Variants in NKAIN3 observed in about 807,000 individuals in gnomAD.
NKAIN3 encodes the protein sodium/potassium transporting ATPase interacting 3.
In NKAIN3, 25 loss-of-function variants were observed where a neutral mutation model predicts 30.2. The observed-to-expected ratio is 0.83, with a 90% CI of 0.60 to 1.16. The LOEUF is 1.16. Among genes scored for constraint, NKAIN3 ranks in the 50% most tolerant of loss-of-function variants. The pLI is 0.00. For synonymous variants in NKAIN3, 91 were observed against 89.6 expected (o/e 1.02, Z -0.09); for missense variants, 225 against 254.1 (o/e 0.89, Z 0.78).
At chr8:62,908,243 C>T (rs945179836) in intron 4 of NKAIN3, among the ~76,000 whole-genome samples, 4 of 152,202 alleles carry the variant, frequency 2.6e-5, no homozygotes, top group African/African-American at 7.2e-5. Flanking sequence ...TGTATTTACC[C>T]AATGCCTGTA....
At chr8:62,271,861 G>A (rs1031412225) in intron 1 of NKAIN3, among the ~76,000 whole-genome samples, 1 of 152,172 alleles carries the variant, frequency 6.6e-6, no homozygotes, top group African/African-American at 2.4e-5. Flanking sequence ...ACTCCACAGA[G>A]ATGTGTTATG....
intron 1 of NKAIN3, among the ~76,000 whole-genome samples, chr8:62,504,816 G>A (rs1807579031): frequency 6.6e-6 from 1 of 152,120 alleles, no homozygotes; most frequent in South Asian, 2.1e-4. Context: ...TTTCCAGAGT[G>A]TTCCCTCACT....
rs571726794 is a variant in NKAIN3 at position 62,531,856 on chromosome 8, G to A, written c.55-47683G>A. 5.3e-5 allele frequency among the ~76,000 whole-genome samples: 8 copies of A among 152,304 alleles called. No individual in the cohort carries two copies. In the South Asian group the frequency reaches 1.5e-3, roughly 28 times the overall value. On this transcript the variant is annotated intron_variant, in intron 1 of 6. Transcript: ENST00000623646. ...CAGGCATGAATGCCAGCTTTCAGCT[G>A]TGCAAAATCATGCTCTCTCCTAGGG...
chr8:62,438,566 A>AT (rs904336192), intron 1 of NKAIN3, among the ~76,000 whole-genome samples: 11 of 150,568 alleles, frequency 7.3e-5, no homozygotes, highest in South Asian at 6.3e-4. Flanking sequence ...AATAGCCACT[A>AT]TTTTTTTTTC....
intron 4 of NKAIN3, among the ~76,000 whole-genome samples, chr8:62,873,186 T>C (rs1820696135): frequency 6.6e-6 from 1 of 152,032 alleles, no homozygotes; most frequent in Non-Finnish European, 1.5e-5. Context: ...GCAGTTGCAA[T>C]TGTAGTCTCT....
chr8:62,938,378 C>T (rs2130879869), intron 5 of NKAIN3, among the ~76,000 whole-genome samples: 1 of 152,244 alleles, frequency 6.6e-6, no homozygotes, highest in African/African-American at 2.4e-5. Context: ...CCTGTAACAT[C>T]CTGGCTAACC....
rs10552182 is a variant in NKAIN3 at position 62,306,536 on chromosome 8, TTGTGTGTGTGTGTG to T, written c.54+57437_54+57450del. Among the ~76,000 whole-genome samples, 27 of 136,064 alleles carry T rather than the reference TTGTGTGTGTGTGTG, an allele frequency of 2.0e-4. 1 individual carries two copies. The highest frequency in any genetic ancestry group is 7.0e-3 in the Middle Eastern group (2 of 286). 89.3% of individuals were successfully genotyped at this position (136,064 alleles called of 152,430 possible). A position where few individuals can be genotyped will look rare whatever the true frequency, so the allele number is the denominator to read the frequency against. On this transcript the variant is annotated intron_variant, in intron 1 of 6. Transcript: ENST00000623646. The stretch of plus-strand genomic sequence containing the variant: ...CAATGCCTAGAAGGCTTTGAAGGCT[TTGTGTGTGTGTGTG>T]TGTGTGTGTGTGTGTGTGTGTGTGT...
intron 1 of NKAIN3, among the ~76,000 whole-genome samples, chr8:62,510,922 C>T (rs1211474337): frequency 1.3e-5 from 2 of 152,106 alleles, no homozygotes; most frequent in Non-Finnish European, 2.9e-5. Context: ...TTTTCAAGGT[C>T]GTTTGCTGGT....
chr8:62,551,961 A>G (rs1308986184), intron 1 of NKAIN3, among the ~76,000 whole-genome samples: 1 of 152,204 alleles, frequency 6.6e-6, no homozygotes, highest in East Asian at 1.9e-4. Flanking sequence ...ATCAAATTTC[A>G]TGGAAAATAT....
At chr8:62,832,258 GAC>G (rs57632946) in intron 4 of NKAIN3, among the ~76,000 whole-genome samples, 52,149 of 132,108 alleles carry the variant, frequency 0.39, 10,082 homozygotes, top group Non-Finnish European at 0.49. Flanking sequence ...TGACCAAACA[GAC>G]ACACACACAC....
At chr8:62,591,374 A>T (rs1045076065) in intron 3 of NKAIN3, among the ~76,000 whole-genome samples, 3 of 151,960 alleles carry the variant, frequency 2.0e-5, no homozygotes, top group Non-Finnish European at 4.4e-5. Context: ...AAAAATAATA[A>T]GACCAGATTT....
At chr8:62,819,753 A>C (rs1203996389) in intron 4 of NKAIN3, among the ~76,000 whole-genome samples, 1 of 152,100 alleles carries the variant, frequency 6.6e-6, no homozygotes, top group East Asian at 1.9e-4. Flanking sequence ...GAGTGATTTT[A>C]TCGGCTCTGA....
chr8:62,638,632 T>C (rs1184113084), intron 3 of NKAIN3, among the ~76,000 whole-genome samples: 1 of 152,146 alleles, frequency 6.6e-6, no homozygotes, highest in Non-Finnish European at 1.5e-5. Flanking sequence ...AAAAATGGCA[T>C]CACTTATTAG....
intron 4 of NKAIN3, among the ~76,000 whole-genome samples, chr8:62,763,716 G>C (rs1323428414): frequency 1.3e-5 from 2 of 152,144 alleles, no homozygotes; most frequent in Admixed American, 1.3e-4. Context: ...ACAAGAAGAA[G>C]AATCACAGCT....
intron 5 of NKAIN3, among the ~76,000 whole-genome samples, chr8:62,929,301 G>A (rs770199609): frequency 6.6e-6 from 1 of 152,170 alleles, no homozygotes; most frequent in East Asian, 1.9e-4. Context: ...TGAGCAGGAG[G>A]GCTCTGTGAA....
At chr8:62,729,000 A>C (rs1815359337) in intron 3 of NKAIN3, among the ~76,000 whole-genome samples, 1 of 136,492 alleles carries the variant, frequency 7.3e-6, no homozygotes. Context: ...AAACAAAACA[A>C]AAAACAAAAC....
At chr8:62,386,413 G>T (rs1817426283) in intron 1 of NKAIN3, among the ~76,000 whole-genome samples, 1 of 152,136 alleles carries the variant, frequency 6.6e-6, no homozygotes, top group African/African-American at 2.4e-5. Flanking sequence ...AAAGAACAGT[G>T]TTAGGCAAAA....
chr8:62,332,777 C>T (rs1370659079), intron 1 of NKAIN3, among the ~76,000 whole-genome samples: 1 of 152,116 alleles, frequency 6.6e-6, no homozygotes, highest in Non-Finnish European at 1.5e-5. Flanking sequence ...AGTCTCAGCA[C>T]TTCCGTCAAG....
intron 4 of NKAIN3, among the ~76,000 whole-genome samples, chr8:62,834,177 A>C (rs375167053): frequency 1.3e-5 from 2 of 152,116 alleles, no homozygotes; most frequent in Non-Finnish European, 2.9e-5. Flanking sequence ...AACATACCTC[A>C]AAATAGTAAG....
Sources: allele counts gnomAD v4.1 joint callset (sites outside exome capture counted in the v4.1 genomes callset), GRCh38; gene constraint gnomAD v4.1.1; transcripts MANE v1.5; gene names NCBI Gene and HGNC (gene_info 2026-07-23, HGNC 2026-07-21).